The following DEXI variants were observed in gnomAD, a reference collection of about 807,000 sequenced individuals.
DEXI encodes dexamethasone-induced protein.
DEXI carries 2 observed loss-of-function variants against 2.5 expected under a neutral mutation model. The ratio of observed to expected loss-of-function variants is 0.81; its 90% confidence interval spans 0.33 to 2.55. The LOEUF is 2.55. Among genes scored for constraint, DEXI ranks in the 30% most tolerant of loss-of-function variants. The pLI is 0.11. For missense variants in DEXI, 108 were observed against 130.3 expected (o/e 0.83, Z 0.83); for synonymous variants, 71 against 68.7 (o/e 1.03, Z -0.17).
intron 1 of DEXI, chr16:10,931,492 T>G (rs2040792290): frequency 6.6e-6 from 1 of 152,236 alleles, no homozygotes; most frequent in Non-Finnish European, 1.5e-5. Flanking sequence ...TTCATTGTGT[T>G]TATCTGTAGG....
Position 10,942,333 on chromosome 16 carries a change from CCG to C in DEXI, c.-330_-329del. Reference sequence around the variant, plus strand: ...CCTCGCAGAGCCGGTGGGGATCCCACCGCGGCTCAGTGTCTAGGGCCGGTCCC... The same window carrying C: ...CCTCGCAGAGCCGGTGGGGATCCCACCGGCTCAGTGTCTAGGGCCGGTCCC... On this transcript the variant is annotated 5_prime_UTR_variant, in exon 1 of 2. Coordinates refer to ENST00000331808, the MANE Select transcript of DEXI (RefSeq NM_014015.4). This position sits in a 1 kb window ranked among gnomAD's most constrained non-coding sequence, Gnocchi z 5.0. 1 of 254,072 alleles carries C rather than the reference CCG, an allele frequency of 3.9e-6. No homozygotes were observed. The highest frequency in any genetic ancestry group is 7.6e-6 in the Non-Finnish European group (1 of 131,290). 15.7% of individuals were successfully genotyped at this position (254,072 alleles called of 1,614,324 possible). A position where few individuals can be genotyped will look rare whatever the true frequency, so the allele number is the denominator to read the frequency against.
chr16:10,936,902 G>C (rs986398542), intron 1 of DEXI: 1 of 152,256 alleles, frequency 6.6e-6, no homozygotes, highest in African/African-American at 2.4e-5. Flanking sequence ...GCTTTCAGAA[G>C]TTCTGGGAGG....
Position 10,937,673 on chromosome 16 carries a change from G to T in DEXI, c.*149+3896C>A, listed in dbSNP as rs1367740062. On this transcript the variant is annotated intron_variant, in intron 1 of 1. Transcript: ENST00000331808. This position sits in a 1 kb window ranked among gnomAD's most constrained non-coding sequence, Gnocchi z 4.2. The stretch of plus-strand genomic sequence containing the variant: ...TTTCACTTTCATTAGGAACCGGGAC[G>T]AATAATCCAACTGAGCTGCCTCTGC... 6.6e-6 allele frequency: 1 copy of T among 152,202 alleles called. No individual in the cohort carries two copies. The highest frequency in any genetic ancestry group is 2.4e-5 in the African/African-American group (1 of 41,434). The allele number at this position is 152,202 out of a possible 1,614,324, so 9.4% of individuals were successfully genotyped here. A position where few individuals can be genotyped will look rare whatever the true frequency, so the allele number is the denominator to read the frequency against.
rs1474911243 is a variant in DEXI, at chr16:10,934,149, G to A, written c.*150-4590C>T. The A allele has an allele frequency of 1.3e-5, 2 of 152,244 alleles. No individual in the cohort carries two copies. Among genetic ancestry groups the A allele is most frequent in the African/African-American group, 4.8e-5 (2 of 41,446 alleles). 9.4% of individuals were successfully genotyped at this position (152,244 alleles called of 1,614,324 possible). On this transcript the variant is annotated intron_variant, in intron 1 of 1. Transcript: ENST00000331808. This position sits in a 1 kb window ranked among gnomAD's most constrained non-coding sequence, Gnocchi z 4.2. ...CGTGCCTCCAGCTGGTCACGCCCAA[G>A]ACTCCCTGAGCCCTCTGGAAGGGCA...
Position 10,941,709 on chromosome 16 carries a change from G to A in DEXI, c.*9C>T. The A allele has an allele frequency of 6.2e-7, 1 of 1,600,914 alleles. No homozygotes were observed. The highest frequency in any genetic ancestry group is 8.5e-7 in the Non-Finnish European group (1 of 1,172,976). On this transcript the variant is annotated 3_prime_UTR_variant, in exon 1 of 2. Coordinates refer to ENST00000331808, the MANE Select transcript of DEXI (RefSeq NM_014015.4). The surrounding 1 kb of genome is among the most constrained non-coding windows in gnomAD (Gnocchi z 6.4). ...TCGTGTAGGGAAGAGGGGAACAGCA[G>A]TCGAGACCCTACTCCAAGTACGCAT...
At position 10,941,626 on chromosome 16, in the gene DEXI, C is replaced by A; in HGVS notation, c.*92G>T. The A allele has an allele frequency of 6.6e-7, 1 of 1,518,552 alleles. No homozygotes were observed. The highest frequency in any genetic ancestry group is 8.8e-7 in the Non-Finnish European group (1 of 1,134,236). 94.1% of individuals were successfully genotyped at this position (1,518,552 alleles called of 1,614,324 possible). A position where few individuals can be genotyped will look rare whatever the true frequency, so the allele number is the denominator to read the frequency against. On this transcript the variant is annotated 3_prime_UTR_variant, in exon 1 of 2. Transcript: ENST00000331808. This position sits in a 1 kb window ranked among gnomAD's most constrained non-coding sequence, Gnocchi z 6.4. ...GGGAACCATCCCCGTCCAGATGGTG[C>A]CCCCAACCAGCTGCGGCGGCATGAT...
chr16:10,932,045 T>A (rs1030632765), intron 1 of DEXI: 2 of 152,214 alleles, frequency 1.3e-5, no homozygotes, highest in African/African-American at 4.8e-5. Context: ...CTGGTCCCAC[T>A]CAGTCCATAG....
In DEXI at chr16:10,929,127, C is replaced by T; in HGVS notation, c.*582G>A. On this transcript the variant is annotated 3_prime_UTR_variant, in exon 2 of 2. Transcript: ENST00000331808. This position sits in a 1 kb window ranked among gnomAD's most constrained non-coding sequence, Gnocchi z 4.3. ...CTCAGCCCCCCAACAGCTTCCTCAG[C>T]TTCTTTTTCTTCTGAGTCACCCCTG... is the stretch of plus-strand genomic sequence containing the variant. 2 of 827,116 alleles carry T rather than the reference C, an allele frequency of 2.4e-6. No homozygotes were observed. The highest frequency in any genetic ancestry group is 1.5e-6 in the Non-Finnish European group (1 of 685,536). The allele number at this position is 827,116 out of a possible 1,614,324, so 51.2% of individuals were successfully genotyped here. A position where few individuals can be genotyped will look rare whatever the true frequency, so the allele number is the denominator to read the frequency against.
At chr16:10,935,278 T>G (rs953467402) in intron 1 of DEXI, 1 of 152,268 alleles carries the variant, frequency 6.6e-6, no homozygotes, top group African/African-American at 2.4e-5. Flanking sequence ...AGCAATTTGC[T>G]TTTCAGTTTT....
In DEXI at chr16:10,941,367, G is replaced by A. The variant is rs535197488; in HGVS notation, c.*149+202C>T. 31 of 264,098 alleles carry A rather than the reference G, an allele frequency of 1.2e-4. No homozygotes were observed. In the East Asian group the frequency reaches 3.1e-3, roughly 27 times the overall value. 16.4% of individuals were successfully genotyped at this position (264,098 alleles called of 1,614,324 possible). ...CTCGGGGTCTCCTTCCTTTTCACCAGCTGTCCCCTTTGCTGGAGGAAGCTT... is the reference window on the plus strand; with the variant it reads ...CTCGGGGTCTCCTTCCTTTTCACCAACTGTCCCCTTTGCTGGAGGAAGCTT... On this transcript the variant is annotated intron_variant, in intron 1 of 1. Transcript: ENST00000331808. This position sits in a 1 kb window ranked among gnomAD's most constrained non-coding sequence, Gnocchi z 6.4.
rs1596664765 is a variant in DEXI at position 10,942,251 on chromosome 16, C to G, written c.-246G>C. On this transcript the variant is annotated 5_prime_UTR_variant, in exon 1 of 2. Coordinates refer to ENST00000331808, the MANE Select transcript of DEXI (RefSeq NM_014015.4). This position sits in a 1 kb window ranked among gnomAD's most constrained non-coding sequence, Gnocchi z 5.0. Reference sequence around the variant, plus strand: ...CGCCCGGGCGGCGAGGCGGGCCCCCCTGAAGTGGCCCGCGGCTGCCCGGCT... The same window carrying G: ...CGCCCGGGCGGCGAGGCGGGCCCCCGTGAAGTGGCCCGCGGCTGCCCGGCT... 1 of 364,048 alleles carries G rather than the reference C, an allele frequency of 2.7e-6. No individual in the cohort carries two copies. Among genetic ancestry groups the G allele is most frequent in the Non-Finnish European group, 4.9e-6 (1 of 202,052 alleles). 22.6% of individuals were successfully genotyped at this position (364,048 alleles called of 1,614,324 possible). A position where few individuals can be genotyped will look rare whatever the true frequency, so the allele number is the denominator to read the frequency against.
Position 10,929,665 on chromosome 16 carries a change from G to A in DEXI, c.*150-106C>T, listed in dbSNP as rs1021306563. On this transcript the variant is annotated intron_variant, in intron 1 of 1. Coordinates refer to ENST00000331808, the MANE Select transcript of DEXI (RefSeq NM_014015.4). The surrounding 1 kb of genome is among the most constrained non-coding windows in gnomAD (Gnocchi z 4.3). The stretch of plus-strand genomic sequence containing the variant: ...ACCAGGCTCGGGAGGCTTGGGGTGG[G>A]GCAGGGAAGTCTTCCTCCATCCCTC... 3.5e-5 allele frequency: 23 copies of A among 648,508 alleles called. No individual in the cohort carries two copies. The highest frequency in any genetic ancestry group is 4.4e-5 in the Non-Finnish European group (23 of 522,338). 40.2% of individuals were successfully genotyped at this position (648,508 alleles called of 1,614,324 possible).
chr16:10,941,632 A>G lies in DEXI; in HGVS notation c.*86T>C, dbSNP rs2041103894. On this transcript the variant is annotated 3_prime_UTR_variant, in exon 1 of 2. Transcript: ENST00000331808. The surrounding 1 kb of genome is among the most constrained non-coding windows in gnomAD (Gnocchi z 6.4). ...CATCCCCGTCCAGATGGTGCCCCCA[A>G]CCAGCTGCGGCGGCATGATCTGGGC... The G allele has an allele frequency of 4.6e-6, 7 of 1,524,866 alleles. No homozygotes were observed. The highest frequency in any genetic ancestry group is 1.8e-4 in the Middle Eastern group (1 of 5,496). The allele number at this position is 1,524,866 out of a possible 1,614,324, so 94.5% of individuals were successfully genotyped here.
In DEXI at chr16:10,934,566, G is replaced by A. The variant is rs2040945306; in HGVS notation, c.*150-5007C>T. 6.6e-6 allele frequency: 1 copy of A among 152,382 alleles called. No individual in the cohort carries two copies. The highest frequency in any genetic ancestry group is 1.9e-4 in the East Asian group (1 of 5,188). 9.4% of individuals were successfully genotyped at this position (152,382 alleles called of 1,614,324 possible). A position where few individuals can be genotyped will look rare whatever the true frequency, so the allele number is the denominator to read the frequency against. ...AAACATCAGGACAGCGTGGCCAGGA[G>A]CCCAATGCTGCCACCTCATAGATGG... On this transcript the variant is annotated intron_variant, in intron 1 of 1. Transcript: ENST00000331808. This position sits in a 1 kb window ranked among gnomAD's most constrained non-coding sequence, Gnocchi z 4.2.
In DEXI at chr16:10,929,183, G is replaced by A; in HGVS notation, c.*526C>T. 2.0e-6 allele frequency: 2 copies of A among 983,560 alleles called. No homozygotes were observed. Among genetic ancestry groups the A allele is most frequent in the South Asian group, 4.7e-5 (1 of 21,238 alleles). 60.9% of individuals were successfully genotyped at this position (983,560 alleles called of 1,614,324 possible). A position where few individuals can be genotyped will look rare whatever the true frequency, so the allele number is the denominator to read the frequency against. Reference sequence around the variant, plus strand: ...GTCGCTGCATCTAAGACCAGCCTCGGGCTAAACCCAGCTGGCCTGAAGGCT... The same window carrying A: ...GTCGCTGCATCTAAGACCAGCCTCGAGCTAAACCCAGCTGGCCTGAAGGCT... On this transcript the variant is annotated 3_prime_UTR_variant, in exon 2 of 2. Coordinates refer to ENST00000331808, the MANE Select transcript of DEXI (RefSeq NM_014015.4). The surrounding 1 kb of genome is among the most constrained non-coding windows in gnomAD (Gnocchi z 4.3).
At chr16:10,931,955 C>T (rs1000607440) in intron 1 of DEXI, 2 of 152,216 alleles carry the variant, frequency 1.3e-5, no homozygotes, top group Admixed American at 1.3e-4. Flanking sequence ...TTAAAGAAAA[C>T]TGTTAATAGT....
intron 1 of DEXI, chr16:10,930,838 C>T (rs1031796951): frequency 2.0e-5 from 3 of 152,258 alleles, no homozygotes; most frequent in African/African-American, 7.2e-5. Context: ...GGTCCTCAGG[C>T]TGTAAGTGCA....
chr16:10,932,076 A>G (rs987168438), intron 1 of DEXI: 1 of 152,252 alleles, frequency 6.6e-6, no homozygotes. Context: ...AAGGGCCCAG[A>G]GAGGGTGGTG....
intron 1 of DEXI, chr16:10,933,219 G>T (rs1025029030): frequency 7.2e-5 from 11 of 152,396 alleles, no homozygotes; most frequent in African/African-American, 2.4e-4. Context: ...TGGCTGGCTG[G>T]TTTCTGTAGT....
Sources: gnomAD v4.1 joint callset for allele counts on GRCh38, gnomAD v4.1.1 for gene constraint, Gnocchi (gnomAD v3.1) non-coding constraint, MANE v1.5 for transcripts, NCBI Gene and HGNC (gene_info 2026-07-23, HGNC 2026-07-21) for gene names.